Variants in RPTOR observed in about 807,000 individuals in gnomAD.
The protein encoded by RPTOR is regulatory associated protein of MTOR complex 1.
RPTOR carries 21 observed loss-of-function variants against 169.9 expected under a neutral mutation model. The observed-to-expected ratio is 0.12, with a 90% CI of 0.09 to 0.18. The LOEUF (loss-of-function observed/expected upper bound fraction) is 0.18, where lower values mean the gene tolerates loss of function less well. Among genes scored for constraint, RPTOR ranks in the 10% least tolerant of loss-of-function variants. RPTOR has a pLI of 1.00. For synonymous variants in RPTOR, 732 were observed against 753.2 expected, an observed-to-expected ratio of 0.97 and a Z score of 0.46; for missense variants, 1,133 against 1,855.9, an observed-to-expected ratio of 0.61 and a Z score of 7.16.
chr17:80,574,228 A>G (rs1452421433), intron 1 of RPTOR, among the ~76,000 whole-genome samples: 16 of 143,520 alleles, frequency 1.1e-4, no homozygotes, highest in African/African-American at 3.4e-4. Flanking sequence ...GCAGTGGCGC[A>G]ATCTCGGCTC....
rs1038469284 is a variant in RPTOR, at chr17:80,659,144, G to C, written c.348+15334G>C. Reference sequence around the variant, plus strand: ...TGGCAGCATCACGTCCTGCAGGCTGGAGCCCATGAGTGGTCCCCGAGAGAT... The same window carrying C: ...TGGCAGCATCACGTCCTGCAGGCTGCAGCCCATGAGTGGTCCCCGAGAGAT... On this transcript the variant is annotated intron_variant, in intron 3 of 33. Coordinates refer to ENST00000306801, the MANE Select transcript of RPTOR (RefSeq NM_020761.3). The surrounding 1 kb of genome is among the most constrained non-coding windows in gnomAD (Gnocchi z 4.3). Among the ~76,000 whole-genome samples the C allele has an allele frequency of 6.6e-6, 1 of 152,206 alleles. No homozygotes were observed. The highest frequency in any genetic ancestry group is 6.5e-5 in the Admixed American group (1 of 15,282).
At chr17:80,580,954 CTG>C (rs58669337) in intron 1 of RPTOR, among the ~76,000 whole-genome samples, 36,120 of 151,952 alleles carry the variant, frequency 0.24, 5,249 homozygotes, top group East Asian at 0.42. Flanking sequence ...CTAGGTGAAT[CTG>C]TGGCCACCCA....
rs2069115340 is a variant in RPTOR, at chr17:80,947,284, G to A, written c.3198G>A (p.Arg1066=). Residue 1066 remains arginine (R), a synonymous_variant, in exon 27 of 34, where the codon CGG becomes CGA. Coordinates refer to ENST00000306801, the MANE Select transcript of RPTOR (RefSeq NM_020761.3). This position sits in a 1 kb window ranked among gnomAD's most constrained non-coding sequence, Gnocchi z 4.4. The part of the protein sequence containing the change: ...KLDYFHNGNP[R]YTRVTAMEYL... ...ATTATTTCCACAATGGGAACCCTCG[G>A]TACACGAGGGTCACTGCCATGGAGT... 1.2e-6 allele frequency: 2 copies of A among 1,605,808 alleles called. No individual in the cohort carries two copies. The highest frequency in any genetic ancestry group is 1.7e-6 in the Non-Finnish European group (2 of 1,176,630).
At chr17:80,926,383 G>A (rs1567991167) in intron 24 of RPTOR, among the ~76,000 whole-genome samples, 1 of 152,230 alleles carries the variant, frequency 6.6e-6, no homozygotes, top group Non-Finnish European at 1.5e-5. Flanking sequence ...TGGGTGGACA[G>A]TGGCCTGGCT....
intron 29 of RPTOR, among the ~76,000 whole-genome samples, chr17:80,958,015 T>C (rs2069275723): frequency 6.6e-6 from 1 of 152,280 alleles, no homozygotes; most frequent in South Asian, 2.1e-4. Context: ...AATTAAGGAA[T>C]GTCAGAAATC....
chr17:80,646,681 G>A lies in RPTOR; in HGVS notation c.348+2871G>A, dbSNP rs1333437182. Among the ~76,000 whole-genome samples, 2 of 152,136 alleles carry A rather than the reference G, an allele frequency of 1.3e-5. No homozygotes were observed. The highest frequency in any genetic ancestry group is 2.9e-5 in the Non-Finnish European group (2 of 68,024). On this transcript the variant is annotated intron_variant, in intron 3 of 33. Coordinates refer to ENST00000306801, the MANE Select transcript of RPTOR (RefSeq NM_020761.3). This position sits in a 1 kb window ranked among gnomAD's most constrained non-coding sequence, Gnocchi z 5.0. ...TCTGCAGTAATAAAGAGAGGTTGAT[G>A]TGCCATCTGCAATAAAACAATGGGG...
chr17:80,591,932 C>T (rs1418401877), intron 1 of RPTOR, among the ~76,000 whole-genome samples: 1 of 152,164 alleles, frequency 6.6e-6, no homozygotes, highest in Non-Finnish European at 1.5e-5. Flanking sequence ...TGTGGATCTT[C>T]TTTGTTATCT....
intron 3 of RPTOR, among the ~76,000 whole-genome samples, chr17:80,664,264 G>A (rs77393180): frequency 0.062 from 9,473 of 152,204 alleles, 994 homozygotes; most frequent in African/African-American, 0.22. Flanking sequence ...TTAAAAATAC[G>A]ATTTCTTCTT....
intron 3 of RPTOR, among the ~76,000 whole-genome samples, chr17:80,655,591 T>G (rs1440783868): frequency 6.6e-6 from 1 of 151,082 alleles, no homozygotes; most frequent in Admixed American, 6.6e-5. Context: ...TTTTTTTTTT[T>G]GTAGAGGTGG....
chr17:80,902,115 C>T (rs962185671), intron 20 of RPTOR, among the ~76,000 whole-genome samples: 1 of 152,184 alleles, frequency 6.6e-6, no homozygotes, highest in African/African-American at 2.4e-5. Flanking sequence ...ACAAGAATCC[C>T]CTACCTCAAT....
intron 12 of RPTOR, 42 bp from the exon 13 acceptor site, chr17:80,857,748 T>C (rs1243216868): frequency 1.4e-6 from 2 of 1,480,690 alleles, no homozygotes; most frequent in Non-Finnish European, 1.9e-6. Context: ...GCCCGTTCCC[T>C]TGCTGCGGCA....
chr17:80,879,808 T>C (rs1458979148), intron 13 of RPTOR, among the ~76,000 whole-genome samples: 2 of 152,222 alleles, frequency 1.3e-5, no homozygotes, highest in Admixed American at 1.3e-4. Flanking sequence ...CAGAATGGCC[T>C]GAAGCGTGGG....
At chr17:80,578,215 TGGG>T (rs945925597) in intron 1 of RPTOR, among the ~76,000 whole-genome samples, 1 of 151,894 alleles carries the variant, frequency 6.6e-6, no homozygotes, top group African/African-American at 2.4e-5. Flanking sequence ...AGTGAGTGGT[TGGG>T]GGGGTGGTAC....
At chr17:80,607,679 G>C (rs2065238881) in intron 1 of RPTOR, among the ~76,000 whole-genome samples, 1 of 151,338 alleles carries the variant, frequency 6.6e-6, no homozygotes, top group African/African-American at 2.4e-5. Context: ...TGTTTGTTTA[G>C]AGAAATTTGG....
chr17:80,820,627 C>T lies in RPTOR; in HGVS notation c.891-1574C>T, dbSNP rs2138122. Among the ~76,000 whole-genome samples, 20,683 of 152,178 alleles carry T rather than the reference C, an allele frequency of 0.14. 1,475 individuals are homozygous for T. The highest frequency in any genetic ancestry group is 0.16 in the South Asian group (759 of 4,822). On this transcript the variant is annotated intron_variant, in intron 7 of 33. Transcript: ENST00000306801. The surrounding 1 kb of genome is among the most constrained non-coding windows in gnomAD (Gnocchi z 4.1). The stretch of plus-strand genomic sequence containing the variant: ...GGGCACCTTTGCTTTTCCTCACTCC[C>T]CTGCTCGGAGGTCGGAGGGCAGGCA...
chr17:80,785,782 T>A (rs1019625094), intron 6 of RPTOR, among the ~76,000 whole-genome samples: 14 of 152,112 alleles, frequency 9.2e-5, no homozygotes, highest in Admixed American at 3.3e-4. Context: ...GGGATGTGTT[T>A]TGAGGGCCTT....
intron 5 of RPTOR, among the ~76,000 whole-genome samples, chr17:80,738,837 G>A (rs1478948593): frequency 1.3e-5 from 2 of 152,186 alleles, no homozygotes; most frequent in Non-Finnish European, 1.5e-5. Context: ...TATCCATGAT[G>A]CATTAAATAT....
chr17:80,619,874 G>A (rs1166661959), intron 1 of RPTOR, among the ~76,000 whole-genome samples: 1 of 152,176 alleles, frequency 6.6e-6, no homozygotes, highest in Non-Finnish European at 1.5e-5. Flanking sequence ...CACTGCCCAG[G>A]CTGTTATAAT....
chr17:80,634,479 CTG>C (rs1156730484), intron 2 of RPTOR, among the ~76,000 whole-genome samples: 3 of 88,120 alleles, frequency 3.4e-5, no homozygotes, highest in African/African-American at 9.3e-5. Context: ...CGTGTGCATA[CTG>C]TGTGTGCATA....
Sources: gnomAD v4.1 joint callset for allele counts (sites outside exome capture counted in the v4.1 genomes callset) on GRCh38, gnomAD v4.1.1 for gene constraint, Gnocchi (gnomAD v3.1) non-coding constraint, MANE v1.5 for transcripts, NCBI Gene and HGNC (gene_info 2026-07-23, HGNC 2026-07-21) for gene names.